PTK2: variants seen among roughly 807,000 people sequenced by gnomAD.
The protein encoded by PTK2 is protein tyrosine kinase 2.
A neutral mutation model predicts 150.1 loss-of-function variants in PTK2; 45 were observed. The ratio of observed to expected loss-of-function variants is 0.30; its 90% confidence interval spans 0.24 to 0.38. The LOEUF (loss-of-function observed/expected upper bound fraction) is 0.38. Among genes scored for constraint, PTK2 ranks in the 10% least tolerant of loss-of-function variants. The pLI, the probability that PTK2 is intolerant of heterozygous loss-of-function variation, is 1.00. For synonymous variants in PTK2, 432 were observed against 449.2 expected, an observed-to-expected ratio of 0.96 and a Z score of 0.48; for missense variants, 919 against 1,307.3, an observed-to-expected ratio of 0.70 and a Z score of 4.58.
intron 26 of PTK2, chr8:140,687,035 T>G (rs1465916811): frequency 1.1e-5 from 3 of 266,994 alleles, no homozygotes; most frequent in Non-Finnish European, 2.1e-5. Flanking sequence ...AGGCATTACT[T>G]GCGGCTTTCT....
At chr8:140,896,321 A>C (rs1268809118) in intron 2 of PTK2, among the ~76,000 whole-genome samples, 1 of 152,224 alleles carries the variant, frequency 6.6e-6, no homozygotes, top group Admixed American at 6.5e-5. Flanking sequence ...GAACAGTGAT[A>C]TCAAAACCTG....
At chr8:140,676,285 A>AG (rs1321470375) in intron 27 of PTK2, among the ~76,000 whole-genome samples, 1 of 152,128 alleles carries the variant, frequency 6.6e-6, no homozygotes, top group Non-Finnish European at 1.5e-5. Context: ...TTGAGGCAGG[A>AG]GGACAGCTTG....
At chr8:140,831,812 T>G (rs2100115567) in intron 7 of PTK2, among the ~76,000 whole-genome samples, 1 of 152,224 alleles carries the variant, frequency 6.6e-6, no homozygotes. Context: ...TCATTATCTA[T>G]TTTGACAGTT....
chr8:140,705,461 C>T (rs1200363358), intron 24 of PTK2, among the ~76,000 whole-genome samples: 1 of 152,102 alleles, frequency 6.6e-6, no homozygotes, highest in Non-Finnish European at 1.5e-5. Flanking sequence ...ATGGTTGCTC[C>T]TGGGGCAGGA....
intron 13 of PTK2, among the ~76,000 whole-genome samples, chr8:140,790,830 C>T (rs1440273562): frequency 6.6e-6 from 1 of 152,176 alleles, no homozygotes; most frequent in Non-Finnish European, 1.5e-5. Context: ...TTTATCACAA[C>T]TTATCTTTGA....
chr8:140,708,615 AAACTT>A (rs1183868490), intron 23 of PTK2, among the ~76,000 whole-genome samples: 1 of 152,122 alleles, frequency 6.6e-6, no homozygotes, highest in Non-Finnish European at 1.5e-5. Flanking sequence ...AGTCTACTCT[AAACTT>A]AACTAAATAA....
chr8:140,707,067 T>G (rs1168047414), intron 23 of PTK2, among the ~76,000 whole-genome samples: 1 of 152,246 alleles, frequency 6.6e-6, no homozygotes, highest in African/African-American at 2.4e-5. Context: ...GATGAATTTT[T>G]GAAACATTCT....
At chr8:140,672,186 C>T (rs1332510107) in intron 29 of PTK2, 2 of 451,778 alleles carry the variant, frequency 4.4e-6, no homozygotes, top group African/African-American at 2.0e-5. Flanking sequence ...TCATTAATCT[C>T]ATTCTGTCCC....
In PTK2 at chr8:140,732,428, G is replaced by A. The variant is rs189206088; in HGVS notation, c.2030+2823C>T. ...TAAAAATATGTATTGGATACTTTTT[G>A]GAGATAATTTACCTCAGTGGAGCAT... On this transcript the variant is annotated intron_variant, in intron 22 of 31. Coordinates refer to ENST00000522684, the Ensembl canonical transcript of PTK2. The A allele has an allele frequency of 5.5e-4, 231 of 421,008 alleles. 1 individual carries two copies. The highest frequency in any genetic ancestry group is 4.1e-3 in the African/African-American group (188 of 46,152). 26.1% of individuals were successfully genotyped at this position (421,008 alleles called of 1,614,324 possible).
chr8:140,796,829 T>C (rs1255162178), intron 12 of PTK2, among the ~76,000 whole-genome samples: 1 of 152,180 alleles, frequency 6.6e-6, no homozygotes, highest in Non-Finnish European at 1.5e-5. Flanking sequence ...GTGACTTAAC[T>C]TACCAGACTT....
At chr8:140,850,421 C>T (rs1319239038) in intron 5 of PTK2, among the ~76,000 whole-genome samples, 2 of 142,450 alleles carry the variant, frequency 1.4e-5, no homozygotes, top group South Asian at 2.2e-4. Context: ...AGTGAGACTT[C>T]GTCTCAAAAA....
intron 27 of PTK2, among the ~76,000 whole-genome samples, chr8:140,679,021 T>G (rs1310618002): frequency 5.6e-5 from 6 of 107,604 alleles, no homozygotes; most frequent in African/African-American, 3.0e-4. Context: ...TTTTTTTTTT[T>G]TTTTTTTTTT....
At chr8:140,763,325 T>C (rs1245940308) in intron 15 of PTK2, among the ~76,000 whole-genome samples, 6 of 152,174 alleles carry the variant, frequency 3.9e-5, no homozygotes, top group Non-Finnish European at 8.8e-5. Flanking sequence ...ATTTATACTA[T>C]AGAATAAGGC....
chr8:140,733,937 TG>T (rs1565305011), intron 22 of PTK2, among the ~76,000 whole-genome samples: 1 of 152,316 alleles, frequency 6.6e-6, no homozygotes, highest in African/African-American at 2.4e-5. Flanking sequence ...TTAAACTCTC[TG>T]GGGGCAGGGA....
intron 1 of PTK2, among the ~76,000 whole-genome samples, chr8:140,953,241 T>C (rs1051863458): frequency 6.6e-6 from 1 of 152,192 alleles, no homozygotes; most frequent in East Asian, 1.9e-4. Context: ...GCGCTATATA[T>C]ACTATGTTTT....
chr8:140,789,174 T>C (rs539826022), intron 14 of PTK2, among the ~76,000 whole-genome samples: 1 of 151,984 alleles, frequency 6.6e-6, no homozygotes, highest in African/African-American at 2.4e-5. Context: ...TAAATTATAA[T>C]GGCAACTTCA....
upstream of PTK2, chr8:141,002,043 G>C (rs1356531175): frequency 2.6e-5 from 4 of 152,196 alleles, no homozygotes; most frequent in Non-Finnish European, 5.9e-5. Context: ...AAGGAGGGAA[G>C]GCTCGCCCCG....
chr8:140,864,646 C>T (rs766881533), intron 4 of PTK2, among the ~76,000 whole-genome samples: 1 of 152,170 alleles, frequency 6.6e-6, no homozygotes, highest in Non-Finnish European at 1.5e-5. Context: ...CCCAGAAGTC[C>T]TTCCAACCCA....
chr8:140,937,067 A>G lies in PTK2; in HGVS notation c.-121-11318T>C, dbSNP rs2100173888. Among the ~76,000 whole-genome samples, 3 of 152,200 alleles carry G rather than the reference A, an allele frequency of 2.0e-5. No homozygotes were observed. In the South Asian group the frequency reaches 6.2e-4, roughly 31 times the overall value. On this transcript the variant is annotated intron_variant, in intron 1 of 31. Transcript: ENST00000522684. ...AAGATAATTAACAGCAACAACTAAA[A>G]GCATTTGATTTCTGATCCTAGACAA... is the stretch of plus-strand genomic sequence containing the variant.
Sources: allele counts gnomAD v4.1 joint callset (sites outside exome capture counted in the v4.1 genomes callset), GRCh38; gene constraint gnomAD v4.1.1; transcripts MANE v1.5; gene names NCBI Gene and HGNC (gene_info 2026-07-23, HGNC 2026-07-21).